Variants in KIF15 observed in about 807,000 individuals in gnomAD.
KIF15 encodes kinesin-like protein KIF15.
Under a neutral mutation model 190.6 loss-of-function variants are expected in KIF15, and 140 were observed. That is an observed-to-expected ratio of 0.73 (90% CI 0.64 to 0.84). The LOEUF is 0.84. KIF15 is among the 40% of genes least tolerant of loss of function. KIF15 has a pLI of 0.00. For missense variants in KIF15, 1,372 were observed against 1,584.4 expected (o/e 0.87, Z 2.28); for synonymous variants, 528 against 551.3 (o/e 0.96, Z 0.59).
intron 6 of KIF15, chr3:44,863,303 C>CCT (rs1008476654): frequency 4.2e-5 from 4 of 95,472 alleles, no homozygotes; most frequent in African/African-American, 1.3e-4. Flanking sequence ...ATTCCGCACC[C>CCT]CCCCCCCCCG....
At chr3:44,803,416 G>A (rs1253770742) in intron 14 of KIF15, among the ~76,000 whole-genome samples, 3 of 152,182 alleles carry the variant, frequency 2.0e-5, no homozygotes. Flanking sequence ...ATAGCACAGT[G>A]TTTGGGTCCT....
chr3:44,785,948 C>T (rs554255987), intron 6 of KIF15, among the ~76,000 whole-genome samples: 5 of 152,292 alleles, frequency 3.3e-5, no homozygotes, highest in Admixed American at 2.0e-4. Context: ...CAGCTGAGCA[C>T]GGTGGCTCAC....
intron 27 of KIF15, among the ~76,000 whole-genome samples, chr3:44,839,506 GA>G (rs1162060668): frequency 1.3e-5 from 2 of 152,104 alleles, no homozygotes; most frequent in Non-Finnish European, 2.9e-5. Flanking sequence ...ATCAAGTTCT[GA>G]AAAAATAATG....
At chr3:44,781,949 A>G (rs1706185745) in intron 5 of KIF15, among the ~76,000 whole-genome samples, 1 of 151,064 alleles carries the variant, frequency 6.6e-6, no homozygotes, top group African/African-American at 2.4e-5. Context: ...TGGATTCCAG[A>G]TTTTTCTCTA....
At position 44,805,117 on chromosome 3, in the gene KIF15, CAG is replaced by C. The variant is rs1274189591; in HGVS notation, c.1781_1782del (p.Glu594AlafsTer3). 1 of 1,613,468 alleles carries C rather than the reference CAG, an allele frequency of 6.2e-7. No homozygotes were observed. The highest frequency in any genetic ancestry group is 8.5e-7 in the Non-Finnish European group (1 of 1,179,604). On this transcript the variant is annotated frameshift_variant, in exon 15 of 35. Transcript: ENST00000326047. LOFTEE classifies it high-confidence loss of function. The stretch of plus-strand genomic sequence containing the variant: ...AAAGCACAACTCCTGCAAATTCAGA[CAG>C]AGCTGAATAATTCAAAGCAAGAATA...
chr3:44,800,472 G>T (rs901884711), intron 11 of KIF15, 35 bp downstream of exon 11: 3 of 1,598,880 alleles, frequency 1.9e-6, no homozygotes, highest in Admixed American at 3.6e-5. Flanking sequence ...TCTTGGGGAA[G>T]ACTGTACAAA....
intron 29 of KIF15, among the ~76,000 whole-genome samples, chr3:44,841,967 T>G (rs576922171): frequency 5.3e-5 from 8 of 152,342 alleles, no homozygotes; most frequent in African/African-American, 1.9e-4. Flanking sequence ...TATGCTCTCA[T>G]CAGGAATGAA....
At chr3:44,858,427 A>C (rs188258608) in intron 6 of KIF15, among the ~76,000 whole-genome samples, 3 of 152,262 alleles carry the variant, frequency 2.0e-5, no homozygotes, top group African/African-American at 7.2e-5. Context: ...GGATACTGGC[A>C]TTGAGCAGGG....
chr3:44,850,155 C>A (rs1436932913), intron 32 of KIF15, among the ~76,000 whole-genome samples: 1 of 152,084 alleles, frequency 6.6e-6, no homozygotes, highest in African/African-American at 2.4e-5. Context: ...TGGTGATTTA[C>A]CATCAAAAAT....
chr3:44,851,739 T>C (rs572977732), intron 32 of KIF15, 48 bp from the exon 33 acceptor site: 1 of 1,492,494 alleles, frequency 6.7e-7, no homozygotes, highest in African/African-American at 1.4e-5. Flanking sequence ...CACTGTTTTA[T>C]GATTATGTTT....
chr3:44,762,547 C>T (rs181312981), intron 1 of KIF15, among the ~76,000 whole-genome samples: 1 of 152,292 alleles, frequency 6.6e-6, no homozygotes, highest in East Asian at 1.9e-4. Flanking sequence ...CTCACATTGC[C>T]ACATCTCTTA....
At chr3:44,802,626 A>C (rs1362261446) in intron 13 of KIF15, among the ~76,000 whole-genome samples, 188 bp from the exon 14 acceptor site, 2 of 152,214 alleles carry the variant, frequency 1.3e-5, no homozygotes, top group Non-Finnish European at 2.9e-5. Context: ...AACTGAGAAT[A>C]GGAGAGTTAC....
At chr3:44,838,481 C>T in intron 27 of KIF15, 60 bp downstream of exon 27, 1 of 1,527,882 alleles carries the variant, frequency 6.5e-7, no homozygotes, top group Non-Finnish European at 8.8e-7. Context: ...TAGTGGCTCA[C>T]TCCTGTAATC....
At chr3:44,828,151 CTGTG>C (rs1697776814) in intron 23 of KIF15, 59 bp from the exon 24 acceptor site, 6 of 1,124,876 alleles carry the variant, frequency 5.3e-6, no homozygotes. Context: ...ACTTGTTTAT[CTGTG>C]TGTATGGTTA....
chr3:44,807,946 G>GT (rs1707592004), intron 16 of KIF15, among the ~76,000 whole-genome samples: 1 of 151,636 alleles, frequency 6.6e-6, no homozygotes, highest in Non-Finnish European at 1.5e-5. Flanking sequence ...TTTTGGTTTT[G>GT]TTTTTTAGAG....
rs756668549 is a variant in KIF15 at position 44,852,653 on chromosome 3, G to GT, written c.4105-13dup. On this transcript the variant is annotated intron_variant, in intron 34 of 34. Coordinates refer to ENST00000326047, the MANE Select transcript of KIF15 (RefSeq NM_020242.3). ...TTAGAGCCTTATTTTTTTTCTTTTT[G>GT]TTTTTTTAAAATTACTTAGGAGACA... 11 of 1,530,924 alleles carry GT rather than the reference G, an allele frequency of 7.2e-6. No homozygotes were observed. Among genetic ancestry groups the GT allele is most frequent in the South Asian group, 1.2e-5 (1 of 81,394 alleles). 94.8% of individuals were successfully genotyped at this position (1,530,924 alleles called of 1,614,324 possible). A position where few individuals can be genotyped will look rare whatever the true frequency, so the allele number is the denominator to read the frequency against.
chr3:44,840,569 A>G, intron 28 of KIF15, 113 bp downstream of exon 28: 1 of 658,284 alleles, frequency 1.5e-6, no homozygotes, highest in South Asian at 1.8e-5. Context: ...GATTTTCACT[A>G]ATACCCTCTG....
chr3:44,852,544 CGTT>C, intron 34 of KIF15, 126 bp from the exon 35 acceptor site: 2 of 833,756 alleles, frequency 2.4e-6, no homozygotes, highest in African/African-American at 1.8e-5. Flanking sequence ...TCTTGTTTAA[CGTT>C]TAGTTTGCAC....
chr3:44,778,717 G>A (rs1242987615), intron 4 of KIF15, among the ~76,000 whole-genome samples: 1 of 151,764 alleles, frequency 6.6e-6, no homozygotes, highest in East Asian at 1.9e-4. Flanking sequence ...GGTGGCTCAC[G>A]CCTGTAATCC....
Sources: allele counts gnomAD v4.1 joint callset (sites outside exome capture counted in the v4.1 genomes callset), GRCh38; gene constraint gnomAD v4.1.1; transcripts MANE v1.5; gene names NCBI Gene and HGNC (gene_info 2026-07-23, HGNC 2026-07-21).